KHDRBS2: variants seen among roughly 807,000 people sequenced by gnomAD.
The protein encoded by KHDRBS2 is KH domain-containing, RNA-binding, signal transduction-associated protein 2.
Under a neutral mutation model 44.3 loss-of-function variants are expected in KHDRBS2, and 26 were observed. The observed-to-expected ratio is 0.59, with a 90% CI of 0.43 to 0.81. The LOEUF (loss-of-function observed/expected upper bound fraction) is 0.81. Ranked by LOEUF, KHDRBS2 falls within the 40% of genes least tolerant of loss-of-function variation. KHDRBS2 has a pLI of 0.00. For missense variants in KHDRBS2, 476 were observed against 433.1 expected, an observed-to-expected ratio of 1.10 and a Z score of -0.88; for synonymous variants, 194 against 151.1, an observed-to-expected ratio of 1.28 and a Z score of -2.08.
intron 4 of KHDRBS2, among the ~76,000 whole-genome samples, chr6:61,968,177 G>A (rs562230093): frequency 1.3e-5 from 2 of 151,796 alleles, no homozygotes; most frequent in Non-Finnish European, 2.9e-5. Flanking sequence ...CTCTTTTGCT[G>A]CTGAAGTCTA....
chr6:61,825,215 TA>T (rs575765569), intron 6 of KHDRBS2, among the ~76,000 whole-genome samples: 22 of 152,288 alleles, frequency 1.4e-4, no homozygotes, highest in African/African-American at 5.1e-4. Context: ...TTGCAGCCTT[TA>T]AAAATTATGT....
At position 61,791,932 on chromosome 6, in the gene KHDRBS2, T is replaced by C. The variant is rs566872261; in HGVS notation, c.811-59168A>G. Among the ~76,000 whole-genome samples, 51 of 151,698 alleles carry C rather than the reference T, an allele frequency of 3.4e-4. No individual in the cohort carries two copies. In the Middle Eastern group the frequency reaches 0.01, roughly 30 times the overall value. On this transcript the variant is annotated intron_variant, in intron 6 of 8. Transcript: ENST00000281156. ...TGTTGATATATTTGAATTTAATTCC[T>C]ACCATCTTATCTTGTTTTTTTGATT...
chr6:61,790,246 C>T (rs1784423815), intron 6 of KHDRBS2, among the ~76,000 whole-genome samples: 1 of 151,370 alleles, frequency 6.6e-6, no homozygotes, highest in African/African-American at 2.4e-5. Flanking sequence ...CACCAGAGTG[C>T]TCTTCTAATT....
At chr6:61,662,300 A>T in the KHDRBS2 span, among the ~76,000 whole-genome samples, 1 of 152,106 alleles carries the variant, frequency 6.6e-6, no homozygotes, top group Non-Finnish European at 1.5e-5. Context: ...AAACCCTAGA[A>T]GAAAACCTAG....
chr6:61,954,999 C>G (rs374052430), intron 4 of KHDRBS2, among the ~76,000 whole-genome samples: 1 of 98,324 alleles, frequency 1.0e-5, no homozygotes, highest in African/African-American at 4.4e-5. Context: ...CATATATAGA[C>G]ATACATATGT....
chr6:61,545,307 G>A, the KHDRBS2 span, among the ~76,000 whole-genome samples: 19 of 151,822 alleles, frequency 1.3e-4, no homozygotes, highest in African/African-American at 4.6e-4. Flanking sequence ...AAAAAGAAGT[G>A]ATAGGCACTA....
the KHDRBS2 span, chr6:61,661,278 T>A: frequency 6.6e-6 from 1 of 151,818 alleles, no homozygotes; most frequent in Non-Finnish European, 1.5e-5. Context: ...ATGAAGGGAC[T>A]CACCTCCATT....
intron 1 of KHDRBS2, among the ~76,000 whole-genome samples, chr6:62,190,393 T>G (rs1310783907): frequency 2.0e-5 from 3 of 152,168 alleles, no homozygotes; most frequent in African/African-American, 7.2e-5. Context: ...AGGGTTACCC[T>G]GGTTCATTGC....
At chr6:61,816,158 C>CA (rs1477019800) in intron 6 of KHDRBS2, among the ~76,000 whole-genome samples, 1 of 151,954 alleles carries the variant, frequency 6.6e-6, no homozygotes, top group Non-Finnish European at 1.5e-5. Flanking sequence ...AATACTTCCA[C>CA]AAAAAAGTTG....
Position 62,180,202 on chromosome 6 carries a change from A to G in KHDRBS2, c.92-2890T>C, listed in dbSNP as rs182150138. ...TACTACTGGAAGACCTAACCAGAGC[A>G]ATTATGCAAGGGGAAAAATAGGCAT... On this transcript the variant is annotated intron_variant, in intron 1 of 8. Coordinates refer to ENST00000281156, the MANE Select transcript of KHDRBS2 (RefSeq NM_152688.4). Among the ~76,000 whole-genome samples the G allele has an allele frequency of 9.5e-4, 144 of 152,068 alleles. 1 individual carries two copies. Among genetic ancestry groups the G allele is most frequent in the Non-Finnish European group, 1.6e-3 (109 of 67,914 alleles).
At chr6:61,704,947 A>G (rs1351023592) in intron 7 of KHDRBS2, among the ~76,000 whole-genome samples, 1 of 151,918 alleles carries the variant, frequency 6.6e-6, no homozygotes, top group Non-Finnish European at 1.5e-5. Flanking sequence ...ATTTGTAAAC[A>G]CAATTTATAA....
At chr6:62,281,013 C>T (rs1328559745) in intron 1 of KHDRBS2, among the ~76,000 whole-genome samples, 2 of 152,118 alleles carry the variant, frequency 1.3e-5, no homozygotes, top group Non-Finnish European at 2.9e-5. Context: ...AAATCACCTG[C>T]TGAGAGTGAA....
intron 1 of KHDRBS2, among the ~76,000 whole-genome samples, chr6:62,210,551 G>C (rs1334070815): frequency 6.6e-6 from 1 of 151,924 alleles, no homozygotes; most frequent in Admixed American, 6.6e-5. Flanking sequence ...GGCTGGTCTA[G>C]AACTCCTGAC....
At chr6:62,074,276 G>T (rs747577429) in intron 2 of KHDRBS2, among the ~76,000 whole-genome samples, 2 of 151,858 alleles carry the variant, frequency 1.3e-5, no homozygotes, top group African/African-American at 4.8e-5. Context: ...AATGTGTGCT[G>T]TGTTAAGCCA....
intron 1 of KHDRBS2, among the ~76,000 whole-genome samples, chr6:62,225,285 G>C (rs1299275443): frequency 6.6e-6 from 1 of 152,032 alleles, no homozygotes; most frequent in Non-Finnish European, 1.5e-5. Context: ...TTTCTGTCAG[G>C]TTTTCTAGAT....
At chr6:62,065,701 T>A (rs1333841677) in intron 2 of KHDRBS2, among the ~76,000 whole-genome samples, 1 of 146,802 alleles carries the variant, frequency 6.8e-6, no homozygotes, top group Non-Finnish European at 1.5e-5. Context: ...AGTTAGTGGG[T>A]GCAGCGCACC....
intron 1 of KHDRBS2, among the ~76,000 whole-genome samples, chr6:62,278,301 A>T (rs1338683118): frequency 6.6e-6 from 1 of 152,192 alleles, no homozygotes; most frequent in African/African-American, 2.4e-5. Flanking sequence ...AGGGGTTTCT[A>T]AAAACTACCT....
chr6:61,547,492 A>G, the KHDRBS2 span, among the ~76,000 whole-genome samples: 1 of 152,150 alleles, frequency 6.6e-6, no homozygotes, highest in South Asian at 2.1e-4. Context: ...TAACAAATTT[A>G]ATCACTTTAT....
chr6:62,034,578 T>C (rs1424304887), intron 3 of KHDRBS2, among the ~76,000 whole-genome samples: 2 of 151,574 alleles, frequency 1.3e-5, no homozygotes, highest in African/African-American at 2.4e-5. Flanking sequence ...GAAAATGCAT[T>C]TGATAATATT....
Sources: gnomAD v4.1 joint callset for allele counts (sites outside exome capture counted in the v4.1 genomes callset) on GRCh38, gnomAD v4.1.1 for gene constraint, MANE v1.5 for transcripts, NCBI Gene and HGNC (gene_info 2026-07-23, HGNC 2026-07-21) for gene names.